The following KDM4C variants were observed in gnomAD, a reference collection of about 807,000 sequenced individuals.
KDM4C encodes lysine-specific demethylase 4C.
A neutral mutation model predicts 129.3 loss-of-function variants in KDM4C; 81 were observed. That is an observed-to-expected ratio of 0.63 (90% confidence interval 0.52 to 0.75). The LOEUF is 0.75. Among genes scored for constraint, KDM4C ranks in the 30% least tolerant of loss-of-function variants. The pLI is 0.00. For missense variants in KDM4C, 1,457 were observed against 1,304.0 expected (o/e 1.12, Z -1.81); for synonymous variants, 573 against 456.1 (o/e 1.26, Z -3.26).
intron 11 of KDM4C, among the ~76,000 whole-genome samples, chr9:6,989,790 T>G (rs1054926125): frequency 2.6e-5 from 4 of 152,262 alleles, no homozygotes; most frequent in Middle Eastern, 3.4e-3. Context: ...TTATTTATTT[T>G]TGGCGACAGG....
chr9:6,922,169 C>T (rs1821645591), intron 8 of KDM4C, among the ~76,000 whole-genome samples: 1 of 152,194 alleles, frequency 6.6e-6, no homozygotes, highest in South Asian at 2.1e-4. Context: ...TTTTAACTTA[C>T]ACAGTTTAGC....
At chr9:7,031,570 A>T (rs1303636153) in intron 15 of KDM4C, among the ~76,000 whole-genome samples, 2 of 152,296 alleles carry the variant, frequency 1.3e-5, no homozygotes, top group East Asian at 3.9e-4. Flanking sequence ...ATACAATTGG[A>T]GTGATTTTAA....
chr9:6,907,646 A>G (rs1018185234), intron 8 of KDM4C, among the ~76,000 whole-genome samples: 24 of 152,200 alleles, frequency 1.6e-4, no homozygotes, highest in Non-Finnish European at 3.2e-4. Context: ...TTAATAATTG[A>G]TATCTAATTA....
At position 6,980,397 on chromosome 9, in the gene KDM4C, A is replaced by T. The variant is rs182123722; in HGVS notation, c.922-528A>T. On this transcript the variant is annotated intron_variant, in intron 8 of 21. Transcript: ENST00000381309. ...GGTATTGGATGTTGTATGTGATGTG[A>T]TGTAGAAAAGGCTGTTCATTTGCTC... 3.2e-3 allele frequency among the ~76,000 whole-genome samples: 487 copies of T among 152,234 alleles called. 3 individuals are homozygous for T. Among genetic ancestry groups the T allele is most frequent in the African/African-American group, 0.011 (471 of 41,540 alleles).
In KDM4C at chr9:7,046,859, C is replaced by G. The variant is rs753519218; in HGVS notation, c.2260-3C>G. On this transcript the variant is annotated splice_polypyrimidine_tract_variant and splice_region_variant and intron_variant, in intron 15 of 21. Coordinates refer to ENST00000381309, the MANE Select transcript of KDM4C (RefSeq NM_015061.6). ...ATCATGTGGTATTTTCTTTTCCCCC[C>G]AGGAATGCTGTCTCTGCAATTTGAG... 3 of 1,604,556 alleles carry G rather than the reference C, an allele frequency of 1.9e-6. No homozygotes were observed. Among genetic ancestry groups the G allele is most frequent in the Non-Finnish European group, 2.6e-6 (3 of 1,171,806 alleles).
chr9:7,087,432 A>G (rs1324855178), intron 17 of KDM4C, among the ~76,000 whole-genome samples: 1 of 152,214 alleles, frequency 6.6e-6, no homozygotes, highest in Non-Finnish European at 1.5e-5. Flanking sequence ...AATAATTACC[A>G]ATGTTATAGT....
chr9:6,742,489 T>C (rs1435210273), intron 1 of KDM4C, among the ~76,000 whole-genome samples: 1 of 152,074 alleles, frequency 6.6e-6, no homozygotes, highest in Non-Finnish European at 1.5e-5. Flanking sequence ...AAGGTTCTGC[T>C]GGCCTTCGTG....
At chr9:6,763,467 TGC>T (rs199692928) in intron 1 of KDM4C, among the ~76,000 whole-genome samples, 14,628 of 152,184 alleles carry the variant, frequency 0.096, 813 homozygotes, top group Non-Finnish European at 0.11. Flanking sequence ...TAAGCAATCA[TGC>T]CATTACTTGT....
intron 3 of KDM4C, among the ~76,000 whole-genome samples, chr9:6,807,942 G>A (rs1226081932): frequency 7.8e-6 from 1 of 127,854 alleles, no homozygotes; most frequent in East Asian, 2.2e-4. Context: ...GAGGGAGGTG[G>A]GGGGGTCAGC....
At chr9:6,791,880 G>A (rs1826706182) in intron 1 of KDM4C, among the ~76,000 whole-genome samples, 1 of 152,070 alleles carries the variant, frequency 6.6e-6, no homozygotes, top group African/African-American at 2.4e-5. Context: ...AAATTACCTG[G>A]GTGTGGTAGA....
In KDM4C at chr9:6,955,039, A is replaced by G. The variant is rs117922992; in HGVS notation, c.922-25886A>G. ...ACGTGAACAATGATGTACTAAAGGA[A>G]TTTTGTGGCTAGACCCCTCTTCCTC... On this transcript the variant is annotated intron_variant, in intron 8 of 21. Coordinates refer to ENST00000381309, the MANE Select transcript of KDM4C (RefSeq NM_015061.6). Among the ~76,000 whole-genome samples, 1,041 of 152,310 alleles carry G rather than the reference A, an allele frequency of 6.8e-3. 1 individual carries two copies. The highest frequency in any genetic ancestry group is 0.011 in the Non-Finnish European group (760 of 68,036).
chr9:6,802,965 G>A (rs1829290545), intron 2 of KDM4C, among the ~76,000 whole-genome samples: 1 of 152,174 alleles, frequency 6.6e-6, no homozygotes, highest in Admixed American at 6.5e-5. Flanking sequence ...TAAACCTCAA[G>A]TAGTATATAC....
intron 1 of KDM4C, among the ~76,000 whole-genome samples, chr9:6,736,067 C>G (rs186838809): frequency 6.6e-6 from 1 of 152,108 alleles, no homozygotes; most frequent in Non-Finnish European, 1.5e-5. Context: ...TACCCCTGCC[C>G]TAGAGATTTG....
intron 8 of KDM4C, among the ~76,000 whole-genome samples, chr9:6,903,096 TA>T (rs576109998): frequency 6.6e-6 from 1 of 152,162 alleles, no homozygotes; most frequent in African/African-American, 2.4e-5. Flanking sequence ...TTGATTCGAT[TA>T]AAAAAACCCA....
intron 15 of KDM4C, among the ~76,000 whole-genome samples, chr9:7,021,970 T>TATG (rs1203348238): frequency 6.6e-6 from 1 of 152,198 alleles, no homozygotes; most frequent in African/African-American, 2.4e-5. Context: ...ACTGTAGATG[T>TATG]ATGGATTTAC....
chr9:6,844,531 G>A (rs898454322), intron 4 of KDM4C, among the ~76,000 whole-genome samples: 2 of 152,214 alleles, frequency 1.3e-5, no homozygotes, highest in African/African-American at 4.8e-5. Context: ...ATACAAACAA[G>A]CTTCCGTGGT....
intron 4 of KDM4C, chr9:6,835,082 A>G (rs941710934): frequency 1.0e-6 from 1 of 990,280 alleles, no homozygotes; most frequent in Non-Finnish European, 1.6e-6. Flanking sequence ...ATCGTGCGTG[A>G]CATCAAGGAG....
At chr9:7,134,075 C>A (rs757223046) in intron 19 of KDM4C, among the ~76,000 whole-genome samples, 2 of 152,198 alleles carry the variant, frequency 1.3e-5, no homozygotes, top group Non-Finnish European at 2.9e-5. Context: ...TCCCTCTCCC[C>A]CTCCCTGCCA....
intron 8 of KDM4C, among the ~76,000 whole-genome samples, chr9:6,970,637 A>G (rs1563909326): frequency 6.6e-6 from 1 of 152,236 alleles, no homozygotes; most frequent in South Asian, 2.1e-4. Flanking sequence ...CAGAGATTAT[A>G]TGGATCAGGT....
Sources: gnomAD v4.1 joint callset for allele counts (sites outside exome capture counted in the v4.1 genomes callset) on GRCh38, gnomAD v4.1.1 for gene constraint, MANE v1.5 for transcripts, NCBI Gene and HGNC (gene_info 2026-07-23, HGNC 2026-07-21) for gene names.